The following CNTLN variants were observed in gnomAD, a reference collection of about 807,000 sequenced individuals.
The protein encoded by CNTLN is centlein, also known as centlein, centrosomal protein.
CNTLN carries 212 observed loss-of-function variants against 180.0 expected under a neutral mutation model. That is an observed-to-expected ratio of 1.18 (90% CI 1.05 to 1.32). The LOEUF (loss-of-function observed/expected upper bound fraction) is 1.32. Among genes scored for constraint, CNTLN ranks in the 40% most tolerant of loss-of-function variants. CNTLN has a pLI of 0.00. For missense variants in CNTLN, 2,095 were observed against 1,610.9 expected, an observed-to-expected ratio of 1.30 and a Z score of -5.14; for synonymous variants, 722 against 563.1, an observed-to-expected ratio of 1.28 and a Z score of -3.99.
intron 18 of CNTLN, among the ~76,000 whole-genome samples, chr9:17,428,434 A>C (rs1829223916): frequency 6.6e-6 from 1 of 152,168 alleles, no homozygotes; most frequent in Admixed American, 6.5e-5. Flanking sequence ...TCTCCATTTT[A>C]CAGAAATTAA....
At chr9:17,493,305 A>G in intron 25 of CNTLN, among the ~76,000 whole-genome samples, 1 of 152,204 alleles carries the variant, frequency 6.6e-6, no homozygotes, top group Non-Finnish European at 1.5e-5. Context: ...GTGGGGACAC[A>G]GGTAATATTC....
At chr9:17,488,971 G>C (rs930203448) in intron 25 of CNTLN, among the ~76,000 whole-genome samples, 1 of 152,056 alleles carries the variant, frequency 6.6e-6, no homozygotes, top group Admixed American at 6.6e-5. Context: ...GTGACAGTAT[G>C]ATAACATTTA....
At chr9:17,246,758 C>T (rs541994434) in intron 5 of CNTLN, among the ~76,000 whole-genome samples, 7 of 152,302 alleles carry the variant, frequency 4.6e-5, no homozygotes, top group Admixed American at 2.0e-4. Context: ...AGCATCAATA[C>T]AAAGTCCTTC....
chr9:17,503,119 A>C lies in CNTLN; in HGVS notation c.*467A>C, dbSNP rs1265061352. Reference sequence around the variant, plus strand: ...AGCAAATATAAAATGAAGCATCATAACTTGAGCATTTATTGAAATAAATTG... The same window carrying C: ...AGCAAATATAAAATGAAGCATCATACCTTGAGCATTTATTGAAATAAATTG... On this transcript the variant is annotated 3_prime_UTR_variant, in exon 26 of 26. Transcript: ENST00000380647. 1 of 152,366 alleles carries C rather than the reference A, an allele frequency of 6.6e-6. No homozygotes were observed. Among genetic ancestry groups the C allele is most frequent in the Admixed American group, 6.5e-5 (1 of 15,272 alleles). The allele number at this position is 152,366 out of a possible 1,614,324, so 9.4% of individuals were successfully genotyped here. A position where few individuals can be genotyped will look rare whatever the true frequency, so the allele number is the denominator to read the frequency against.
At chr9:17,440,808 G>A (rs1023363844) in intron 18 of CNTLN, among the ~76,000 whole-genome samples, 1 of 152,120 alleles carries the variant, frequency 6.6e-6, no homozygotes, top group Non-Finnish European at 1.5e-5. Flanking sequence ...AACCTTGAAA[G>A]CATATTGCTG....
chr9:17,413,078 A>G (rs954923443), intron 16 of CNTLN, among the ~76,000 whole-genome samples: 1 of 152,224 alleles, frequency 6.6e-6, no homozygotes, highest in Non-Finnish European at 1.5e-5. Flanking sequence ...TACACCCGCC[A>G]TTATTATTCA....
At chr9:17,281,507 C>T (rs1301625214) in intron 6 of CNTLN, among the ~76,000 whole-genome samples, 3 of 152,062 alleles carry the variant, frequency 2.0e-5, no homozygotes, top group African/African-American at 7.2e-5. Context: ...TCCGTGTGTT[C>T]TCATTGTTCA....
rs1431419997 is a variant in CNTLN at position 17,135,146 on chromosome 9, G to A, written c.81G>A (p.Arg27=). The A allele has an allele frequency of 1.9e-6, 3 of 1,608,322 alleles. No individual in the cohort carries two copies. The South Asian group carries it at 3.3e-5, about 18-fold the overall frequency. The change falls in exon 1 of 26, where the codon CGG becomes CGA. Residue 27 remains arginine, a synonymous_variant. Coordinates refer to ENST00000380647, the MANE Select transcript of CNTLN (RefSeq NM_017738.4). ...GCCCCAGGTCCCCACGTGTTGGGCGGGGAGCTGAAGTACACGCAATGCGCA... is the reference window on the plus strand; with the variant it reads ...GCCCCAGGTCCCCACGTGTTGGGCGAGGAGCTGAAGTACACGCAATGCGCA... ...QLGPRSPRVG[R]GAEVHAMRSE...
chr9:17,159,391 C>A (rs1457850967), intron 2 of CNTLN, among the ~76,000 whole-genome samples: 1 of 152,118 alleles, frequency 6.6e-6, no homozygotes, highest in African/African-American at 2.4e-5. Flanking sequence ...CTTTGAGTGA[C>A]CCCCCAACTC....
rs543232268 is a variant in CNTLN at position 17,375,348 on chromosome 9, G to A, written c.1987+8631G>A. Among the ~76,000 whole-genome samples, 8 of 152,264 alleles carry A rather than the reference G, an allele frequency of 5.3e-5. No homozygotes were observed. The East Asian group carries it at 9.6e-4, about 18-fold the overall frequency. On this transcript the variant is annotated intron_variant, in intron 13 of 25. Transcript: ENST00000380647. Reference sequence around the variant, plus strand: ...TTGGAAAGAACAAATAAGACCTGGCGTTTGCTAGCATGACAGGGTGACTAT... The same window carrying A: ...TTGGAAAGAACAAATAAGACCTGGCATTTGCTAGCATGACAGGGTGACTAT...
intron 15 of CNTLN, among the ~76,000 whole-genome samples, chr9:17,396,220 C>G (rs1826510739): frequency 6.6e-6 from 1 of 152,208 alleles, no homozygotes; most frequent in South Asian, 2.1e-4. Flanking sequence ...GCTACTCTGT[C>G]TATGGAATAG....
chr9:17,281,035 A>G (rs1249494525), intron 6 of CNTLN, among the ~76,000 whole-genome samples: 4 of 152,170 alleles, frequency 2.6e-5, no homozygotes, highest in Non-Finnish European at 4.4e-5. Flanking sequence ...TGCTCTGTTT[A>G]TAGCAGTGAA....
At chr9:17,332,322 C>T (rs976090096) in intron 9 of CNTLN, among the ~76,000 whole-genome samples, 1 of 151,998 alleles carries the variant, frequency 6.6e-6, no homozygotes, top group African/African-American at 2.4e-5. Flanking sequence ...AGGTTTCTTG[C>T]ATTTCTGAGT....
At chr9:17,352,389 A>AAT (rs373257904) in intron 12 of CNTLN, among the ~76,000 whole-genome samples, 110 of 84,398 alleles carry the variant, frequency 1.3e-3, no homozygotes, top group African/African-American at 3.9e-3. Flanking sequence ...CTCAAGCTAG[A>AAT]ATATATATAT....
chr9:17,338,364 G>T (rs868071395), intron 10 of CNTLN, among the ~76,000 whole-genome samples: 4 of 67,208 alleles, frequency 6.0e-5, no homozygotes, highest in African/African-American at 2.0e-4. Flanking sequence ...TTAGAGATGG[G>T]GTTTCACTAT....
chr9:17,381,850 G>T (rs1161094471), intron 13 of CNTLN, among the ~76,000 whole-genome samples: 1 of 152,142 alleles, frequency 6.6e-6, no homozygotes, highest in East Asian at 1.9e-4. Flanking sequence ...GGCTGAAGGG[G>T]CAGTGACTAC....
At position 17,135,123 on chromosome 9, in the gene CNTLN, C is replaced by T; in HGVS notation, c.58C>T (p.Pro20Ser). ...HPSPPARQLG[P>S]RSPRVGRGAE... ...TTCGCCCCCAGCGCGACAGCTGGGC[C>T]CCAGGTCCCCACGTGTTGGGCGGGG... Residue 20 changes from proline to serine, a missense_variant, in exon 1 of 26, where the codon CCC (proline) becomes TCC (serine). By Grantham distance (74) the Pro-to-Ser change is moderately conservative. Coordinates refer to ENST00000380647, the MANE Select transcript of CNTLN (RefSeq NM_017738.4). The T allele has an allele frequency of 1.2e-6, 2 of 1,606,808 alleles. No homozygotes were observed. The highest frequency in any genetic ancestry group is 1.7e-6 in the Non-Finnish European group (2 of 1,177,858).
intron 18 of CNTLN, among the ~76,000 whole-genome samples, chr9:17,442,100 A>G (rs1165863365): frequency 6.6e-6 from 1 of 152,240 alleles, no homozygotes; most frequent in Non-Finnish European, 1.5e-5. Context: ...TAAGTACTCC[A>G]CTTTCAACAA....
intron 5 of CNTLN, among the ~76,000 whole-genome samples, chr9:17,269,719 T>C (rs1018581683): frequency 6.6e-6 from 1 of 152,190 alleles, no homozygotes; most frequent in African/African-American, 2.4e-5. Flanking sequence ...TTAAGATGAA[T>C]GTATATTCTG....
Sources: gnomAD v4.1 joint callset for allele counts (sites outside exome capture counted in the v4.1 genomes callset) on GRCh38, gnomAD v4.1.1 for gene constraint, MANE v1.5 for transcripts, NCBI Gene and HGNC (gene_info 2026-07-23, HGNC 2026-07-21) for gene names.